Variants in SLC39A10 observed in about 807,000 individuals in gnomAD.
SLC39A10 encodes zinc transporter ZIP10.
SLC39A10 carries 13 observed loss-of-function variants against 65.1 expected under a neutral mutation model. The observed-to-expected ratio is 0.20, with a 90% confidence interval of 0.13 to 0.32. The LOEUF is 0.32. Among genes scored for constraint, SLC39A10 ranks in the 10% least tolerant of loss-of-function variants. The pLI, the probability that SLC39A10 is intolerant of heterozygous loss-of-function variation, is 1.00. For missense variants in SLC39A10, 831 were observed against 1,018.4 expected, an observed-to-expected ratio of 0.82 and a Z score of 2.50; for synonymous variants, 321 against 342.2, an observed-to-expected ratio of 0.94 and a Z score of 0.68.
upstream of SLC39A10, among the ~76,000 whole-genome samples, chr2:195,654,687 T>C (rs914824214): frequency 1.3e-5 from 2 of 152,344 alleles, no homozygotes; most frequent in African/African-American, 4.8e-5. Flanking sequence ...GAAAATGTCT[T>C]ACACTTTCAG....
At chr2:195,629,438 C>A (rs1688540075) in intron 2 of SLC39A10, among the ~76,000 whole-genome samples, 1 of 151,970 alleles carries the variant, frequency 6.6e-6, no homozygotes, top group African/African-American at 2.4e-5. Flanking sequence ...CAACCCACCC[C>A]CACACACATC....
chr2:195,734,159 TAAA>T (rs35001848), intron 9 of SLC39A10, among the ~76,000 whole-genome samples: 2 of 116,540 alleles, frequency 1.7e-5, no homozygotes, highest in Admixed American at 9.1e-5. Context: ...CCTTTTTTTT[TAAA>T]AAAAAAAAAA....
chr2:195,665,793 G>A (rs978700263), intron 1 of SLC39A10, among the ~76,000 whole-genome samples: 1 of 151,846 alleles, frequency 6.6e-6, no homozygotes, highest in Non-Finnish European at 1.5e-5. Context: ...TTCATTACTT[G>A]CAGCTGATTT....
At chr2:195,701,404 T>A (rs1437707834) in intron 3 of SLC39A10, among the ~76,000 whole-genome samples, 1 of 147,580 alleles carries the variant, frequency 6.8e-6, no homozygotes, top group Non-Finnish European at 1.5e-5. Flanking sequence ...GATCTGCCAT[T>A]AGGTCTTTTT....
At chr2:195,618,515 T>G (rs749012163) in intron 2 of SLC39A10, among the ~76,000 whole-genome samples, 5 of 152,210 alleles carry the variant, frequency 3.3e-5, no homozygotes, top group Non-Finnish European at 2.9e-5. Flanking sequence ...GCTAGATGGA[T>G]AGCTAATATT....
intron 2 of SLC39A10, among the ~76,000 whole-genome samples, chr2:195,647,387 G>A (rs926366315): frequency 7.9e-5 from 12 of 151,664 alleles, no homozygotes; most frequent in Non-Finnish European, 1.5e-4. Flanking sequence ...ATACACAAAG[G>A]CCTTCCTTAC....
At chr2:195,702,946 A>G (rs1253307777) in intron 3 of SLC39A10, among the ~76,000 whole-genome samples, 2 of 152,206 alleles carry the variant, frequency 1.3e-5, no homozygotes, top group Non-Finnish European at 2.9e-5. Context: ...TTTTCCATGA[A>G]CTTTTTGAAG....
chr2:195,629,327 G>A (rs894938435), intron 2 of SLC39A10, among the ~76,000 whole-genome samples: 5 of 150,380 alleles, frequency 3.3e-5, no homozygotes, highest in Admixed American at 2.0e-4. Flanking sequence ...CCGAGAGGTA[G>A]AGGTTGCAGT....
intron 8 of SLC39A10, among the ~76,000 whole-genome samples, chr2:195,727,416 C>T (rs944608740): frequency 1.3e-5 from 2 of 152,070 alleles, no homozygotes; most frequent in East Asian, 1.9e-4. Flanking sequence ...CGATGCTCTT[C>T]GGAGCCTCAG....
intron 6 of SLC39A10, among the ~76,000 whole-genome samples, chr2:195,714,712 TCA>T (rs1248068781): frequency 1.3e-5 from 2 of 152,246 alleles, no homozygotes; most frequent in African/African-American, 4.8e-5. Flanking sequence ...ACATTATTAA[TCA>T]CTGCTGGTTT....
intron 2 of SLC39A10, among the ~76,000 whole-genome samples, chr2:195,622,480 A>G (rs1253377612): frequency 6.6e-6 from 1 of 152,252 alleles, no homozygotes; most frequent in African/African-American, 2.4e-5. Flanking sequence ...TTTTGGGTTA[A>G]GTAGGCCTTC....
chr2:195,724,990 C>T (rs1200661649), intron 8 of SLC39A10, among the ~76,000 whole-genome samples: 1 of 151,844 alleles, frequency 6.6e-6, no homozygotes, highest in East Asian at 1.9e-4. Flanking sequence ...AATTAATCTT[C>T]AACAAAAGTA....
chr2:195,662,430 C>G (rs1689444596), intron 1 of SLC39A10, among the ~76,000 whole-genome samples: 1 of 151,828 alleles, frequency 6.6e-6, no homozygotes, highest in South Asian at 2.1e-4. Context: ...GCCACCATGC[C>G]TAGCTAATGT....
chr2:195,631,369 TG>T (rs1688582564), intron 2 of SLC39A10, among the ~76,000 whole-genome samples: 1 of 152,130 alleles, frequency 6.6e-6, no homozygotes, highest in South Asian at 2.1e-4. Context: ...GAGATCAAAT[TG>T]TTAAACGAAA....
chr2:195,683,932 C>T (rs1690429520), intron 3 of SLC39A10, 26 bp downstream of exon 3: 7 of 1,503,784 alleles, frequency 4.7e-6, no homozygotes, highest in Non-Finnish European at 6.4e-6. Flanking sequence ...AGTTTTTTCT[C>T]CTTAAAATAG....
intron 2 of SLC39A10, among the ~76,000 whole-genome samples, chr2:195,620,907 T>C (rs556176106): frequency 6.6e-6 from 1 of 152,302 alleles, no homozygotes; most frequent in African/African-American, 2.4e-5. Flanking sequence ...CTTGCCATAG[T>C]TCCCACTTCT....
At chr2:195,681,427 G>A (rs1559031704) in intron 2 of SLC39A10, among the ~76,000 whole-genome samples, 2 of 152,136 alleles carry the variant, frequency 1.3e-5, no homozygotes, top group Admixed American at 6.5e-5. Context: ...TCGGGAGGCT[G>A]AGGTGGAGAA....
intron 2 of SLC39A10, among the ~76,000 whole-genome samples, chr2:195,622,723 A>T (rs1688376008): frequency 6.6e-6 from 1 of 152,236 alleles, no homozygotes; most frequent in Non-Finnish European, 1.5e-5. Flanking sequence ...CTATAATCCC[A>T]GCACTTTGGG....
chr2:195,715,467 A>C (rs1481118650), intron 6 of SLC39A10, among the ~76,000 whole-genome samples: 1 of 147,442 alleles, frequency 6.8e-6, no homozygotes, highest in Non-Finnish European at 1.5e-5. Flanking sequence ...TGGGGGTTGC[A>C]GTGAGCCAAG....
Sources: allele counts gnomAD v4.1 joint callset (sites outside exome capture counted in the v4.1 genomes callset), GRCh38; gene constraint gnomAD v4.1.1; transcripts MANE v1.5; gene names NCBI Gene and HGNC (gene_info 2026-07-23, HGNC 2026-07-21).